KIAA0232: variants seen among roughly 807,000 people sequenced by gnomAD.
KIAA0232 encodes uncharacterized protein KIAA0232.
A neutral mutation model predicts 122.0 loss-of-function variants in KIAA0232; 27 were observed. That is an observed-to-expected ratio of 0.22 (90% CI 0.16 to 0.31). KIAA0232 has a LOEUF of 0.31. Ranked by LOEUF, KIAA0232 falls within the 10% of genes least tolerant of loss-of-function variation. The probability of loss-of-function intolerance (pLI) is 1.00; values close to 1 mark genes in which losing one functional copy is unlikely to be tolerated. For missense variants in KIAA0232, 1,551 were observed against 1,634.2 expected, an observed-to-expected ratio of 0.95 and a Z score of 0.88; for synonymous variants, 613 against 587.6, an observed-to-expected ratio of 1.04 and a Z score of -0.63.
rs1718486224 is a variant in KIAA0232, at chr4:6,822,847, A to G, written c.-269-1338A>G. ...CAGTGTGCAGGTTAGTTACATATGT[A>G]TACATGTGCCATGCTGGTGCGCTGC... On this transcript the variant is annotated intron_variant, in intron 2 of 9. Coordinates refer to ENST00000307659, the MANE Select transcript of KIAA0232 (RefSeq NM_014743.3). Among the ~76,000 whole-genome samples, 3 of 150,764 alleles carry G rather than the reference A, an allele frequency of 2.0e-5. No homozygotes were observed. The South Asian group carries it at 6.3e-4, about 32-fold the overall frequency.
chr4:6,871,812 C>T (rs1267275942), intron 8 of KIAA0232, 130 bp downstream of exon 8: 1 of 630,514 alleles, frequency 1.6e-6, no homozygotes, highest in African/African-American at 1.8e-5. Context: ...AGCACTTTGT[C>T]ATGCACTGGG....
chr4:6,871,240 C>G (rs1721465231), intron 7 of KIAA0232, among the ~76,000 whole-genome samples: 1 of 152,158 alleles, frequency 6.6e-6, no homozygotes, highest in African/African-American at 2.4e-5. Flanking sequence ...CGAGACCAGC[C>G]TGGCCAACAT....
intron 2 of KIAA0232, among the ~76,000 whole-genome samples, chr4:6,807,960 C>T (rs1208426042): frequency 3.3e-5 from 5 of 152,042 alleles, no homozygotes; most frequent in Admixed American, 2.0e-4. Context: ...CCCAGCTACT[C>T]GGGTGGCTGA....
At chr4:6,816,468 G>A (rs2108998536) in intron 2 of KIAA0232, among the ~76,000 whole-genome samples, 1 of 152,092 alleles carries the variant, frequency 6.6e-6, no homozygotes, top group Non-Finnish European at 1.5e-5. Context: ...TATTTTAGTA[G>A]AGACAGGGTT....
intron 2 of KIAA0232, among the ~76,000 whole-genome samples, chr4:6,813,589 C>T (rs1457255528): frequency 1.3e-5 from 2 of 152,034 alleles, no homozygotes; most frequent in African/African-American, 4.8e-5. Flanking sequence ...GTCTCGATCT[C>T]CTGACCTTGT....
intron 4 of KIAA0232, among the ~76,000 whole-genome samples, chr4:6,847,856 C>T (rs1720050153): frequency 1.8e-5 from 1 of 54,350 alleles, no homozygotes; most frequent in African/African-American, 4.3e-5. Flanking sequence ...CTCTTCATTT[C>T]CCCCTTAAAA....
chr4:6,860,961 T>C lies in KIAA0232; in HGVS notation c.579T>C (p.Thr193=), dbSNP rs773797735. The C allele has an allele frequency of 9.9e-5, 159 of 1,614,042 alleles. 2 individuals carry two copies. In the South Asian group the frequency reaches 1.7e-3, roughly 17 times the overall value. The part of the protein sequence containing the change: ...EKPVCLQEIM[T]VWNKSKVCSY... The stretch of plus-strand genomic sequence containing the variant: ...CAGTTTGCCTGCAAGAAATCATGAC[T>C]GTGTGGAACAAGTCTAAAGTCTGTT... The change falls in exon 7 of 10, where the codon ACT becomes ACC. Residue 193 remains threonine (T), a synonymous_variant. Transcript: ENST00000307659.
rs529248747 is a variant in KIAA0232, at chr4:6,824,174, C to A, written c.-269-11C>A. ...ATAATGCATACTTTTTTTCCTCTCT[C>A]ATTTTTGTAGGTTCTGCCGGAGACT... On this transcript the variant is annotated splice_polypyrimidine_tract_variant and intron_variant, in intron 2 of 9. Transcript: ENST00000307659. 2.0e-6 allele frequency: 1 copy of A among 498,150 alleles called. No homozygotes were observed. The allele number at this position is 498,150 out of a possible 1,614,324, so 30.9% of individuals were successfully genotyped here.
intron 4 of KIAA0232, among the ~76,000 whole-genome samples, chr4:6,851,508 A>G (rs899046217): frequency 6.6e-6 from 1 of 151,992 alleles, no homozygotes; most frequent in Non-Finnish European, 1.5e-5. Context: ...GGCAGTTTGA[A>G]ACCAGTTTGA....
chr4:6,878,981 G>A (rs1459886334), intron 9 of KIAA0232, among the ~76,000 whole-genome samples: 1 of 152,064 alleles, frequency 6.6e-6, no homozygotes, highest in Non-Finnish European at 1.5e-5. Flanking sequence ...ACCCCAAACT[G>A]AGACATATTC....
intron 7 of KIAA0232, among the ~76,000 whole-genome samples, chr4:6,871,253 C>T (rs1442909961): frequency 6.6e-6 from 1 of 151,984 alleles, no homozygotes; most frequent in African/African-American, 2.4e-5. Context: ...GCCAACATGG[C>T]GAAACCCCAT....
At chr4:6,792,700 T>G (rs546717135) in intron 1 of KIAA0232, among the ~76,000 whole-genome samples, 28 of 149,974 alleles carry the variant, frequency 1.9e-4, no homozygotes, top group East Asian at 9.7e-4. Context: ...TTTTTGTTTT[T>G]TTTTTTTGAG....
chr4:6,848,575 A>T (rs564146184), intron 4 of KIAA0232, among the ~76,000 whole-genome samples: 1 of 152,344 alleles, frequency 6.6e-6, no homozygotes, highest in Non-Finnish European at 1.5e-5. Context: ...TGTGTAGGTT[A>T]TATGCAAATA....
chr4:6,842,111 A>G lies in KIAA0232; in HGVS notation c.276A>G (p.Lys92=), dbSNP rs1214964948. ...FLGWEKGAYK[K]WGKSKKKCSD... ...GCTGGGAAAAAGGAGCTTATAAGAAATGGGGAAAGAGTAAGAAAAAATGTT... is the reference window on the plus strand; with the variant it reads ...GCTGGGAAAAAGGAGCTTATAAGAAGTGGGGAAAGAGTAAGAAAAAATGTT... The change falls in exon 4 of 10, where the codon AAA becomes AAG. Residue 92 remains lysine (K), a synonymous_variant. Coordinates refer to ENST00000307659, the MANE Select transcript of KIAA0232 (RefSeq NM_014743.3). 1.9e-6 allele frequency: 3 copies of G among 1,613,734 alleles called. No homozygotes were observed. Among genetic ancestry groups the G allele is most frequent in the Admixed American group, 3.3e-5 (2 of 59,904 alleles).
chr4:6,841,173 A>C (rs1205644156), intron 3 of KIAA0232, among the ~76,000 whole-genome samples: 2 of 152,188 alleles, frequency 1.3e-5, no homozygotes, highest in African/African-American at 2.4e-5. Context: ...TGCTTCATAC[A>C]TTTTTTGTTC....
At chr4:6,847,265 A>G (rs1720015629) in intron 4 of KIAA0232, among the ~76,000 whole-genome samples, 2 of 152,150 alleles carry the variant, frequency 1.3e-5, no homozygotes, top group South Asian at 4.1e-4. Flanking sequence ...TAGTTACCAG[A>G]CTGTTCACTG....
chr4:6,868,653 C>T (rs948940313), intron 7 of KIAA0232, among the ~76,000 whole-genome samples: 5 of 152,188 alleles, frequency 3.3e-5, no homozygotes, highest in African/African-American at 4.8e-5. Context: ...CCTTCTGATC[C>T]GCTTTCAGCT....
At chr4:6,804,251 C>T (rs567908385) in intron 1 of KIAA0232, among the ~76,000 whole-genome samples, 11 of 152,118 alleles carry the variant, frequency 7.2e-5, no homozygotes, top group South Asian at 2.1e-4. Flanking sequence ...CCTGCTCTAG[C>T]GGGCCTCCCT....
intron 1 of KIAA0232, among the ~76,000 whole-genome samples, chr4:6,795,697 G>T (rs1438156970): frequency 2.6e-5 from 4 of 152,122 alleles, no homozygotes; most frequent in African/African-American, 9.7e-5. Flanking sequence ...GGCTCAAGTA[G>T]TCCTCCCATT....
Sources: gnomAD v4.1 joint callset for allele counts (sites outside exome capture counted in the v4.1 genomes callset) on GRCh38, gnomAD v4.1.1 for gene constraint, MANE v1.5 for transcripts, NCBI Gene and HGNC (gene_info 2026-07-23, HGNC 2026-07-21) for gene names.